The following TOX variants were observed in gnomAD, a reference collection of about 807,000 sequenced individuals.
TOX encodes the protein thymocyte selection associated high mobility group box, also known as thymocyte selection-associated high mobility group box protein TOX.
Under a neutral mutation model 53.7 loss-of-function variants are expected in TOX, and 11 were observed. That is an observed-to-expected ratio of 0.20 (90% confidence interval 0.13 to 0.34). The LOEUF (loss-of-function observed/expected upper bound fraction) is 0.34. Among genes scored for constraint, TOX ranks in the 10% least tolerant of loss-of-function variants. TOX has a pLI of 1.00. For missense variants in TOX, 570 were observed against 664.6 expected (o/e 0.86, Z 1.56); for synonymous variants, 225 against 245.3 (o/e 0.92, Z 0.77).
At position 59,050,331 on chromosome 8, in the gene TOX, T is replaced by C. The variant is rs769929771; in HGVS notation, c.102+68555A>G. Reference sequence around the variant, plus strand: ...AGTTTTATTCTCCCTTCCAGGATTGTTGTTAGAATAGCATTTGTGAAAGTG... The same window carrying C: ...AGTTTTATTCTCCCTTCCAGGATTGCTGTTAGAATAGCATTTGTGAAAGTG... On this transcript the variant is annotated intron_variant, in intron 1 of 8. Transcript: ENST00000361421. Among the ~76,000 whole-genome samples the C allele has an allele frequency of 1.6e-3, 248 of 152,268 alleles. 4 individuals are homozygous for C. The highest frequency in any genetic ancestry group is 1.2e-3 in the Non-Finnish European group (81 of 67,984).
In TOX at chr8:58,851,704, T is replaced by C; in HGVS notation, c.513A>G (p.Pro171=). The change falls in exon 4 of 9, where the codon CCA becomes CCG. Residue 171 remains proline, a synonymous_variant. Transcript: ENST00000361421. The surrounding 1 kb of genome is among the most constrained non-coding windows in gnomAD (Gnocchi z 4.4). ...TCAGCTGGCCATGTGGCATCATTCCTGGCTGCTGCCTGATGTCTGCAGGCT... is the reference window on the plus strand; with the variant it reads ...TCAGCTGGCCATGTGGCATCATTCCCGGCTGCTGCCTGATGTCTGCAGGCT... ...RGQPADIRQQ[P]GMMPHGQLTT... is the part of the protein sequence containing the mutation. 1.2e-6 allele frequency: 2 copies of C among 1,613,694 alleles called. No homozygotes were observed. Among genetic ancestry groups the C allele is most frequent in the Non-Finnish European group, 1.7e-6 (2 of 1,179,824 alleles).
intron 1 of TOX, among the ~76,000 whole-genome samples, chr8:58,973,793 G>C (rs965635152): frequency 6.6e-6 from 1 of 151,854 alleles, no homozygotes; most frequent in Non-Finnish European, 1.5e-5. Context: ...ATTTTCTATA[G>C]AAGTGGTTTT....
At chr8:59,028,582 C>T (rs1208953555) in intron 1 of TOX, among the ~76,000 whole-genome samples, 1 of 152,064 alleles carries the variant, frequency 6.6e-6, no homozygotes. Context: ...TACATACATA[C>T]ATACATATAT....
intron 1 of TOX, among the ~76,000 whole-genome samples, chr8:59,092,952 A>C (rs2129423926): frequency 6.6e-6 from 1 of 152,304 alleles, no homozygotes; most frequent in African/African-American, 2.4e-5. Flanking sequence ...AGAAGCAGTG[A>C]GGCATAGTGG....
chr8:58,851,536 A>T lies in TOX; in HGVS notation c.681T>A (p.Asp227Glu). ...AACTTATTCATACCTTAGAGGTATCATCGCCTTCATCTTCATGCACTGAAC... is the reference window on the plus strand; with the variant it reads ...AACTTATTCATACCTTAGAGGTATCTTCGCCTTCATCTTCATGCACTGAAC... ...PSSSVHEDEGDDTSKINGGEK... is the reference protein window; with the variant it reads ...PSSSVHEDEGEDTSKINGGEK... Residue 227 changes from aspartate (D) to glutamate (E), a missense_variant, in exon 4 of 9, where the codon GAT (aspartate) becomes GAA (glutamate). Transcript: ENST00000361421. This position sits in a 1 kb window ranked among gnomAD's most constrained non-coding sequence, Gnocchi z 4.4. The T allele has an allele frequency of 6.2e-7, 1 of 1,612,892 alleles. No homozygotes were observed. The highest frequency in any genetic ancestry group is 8.5e-7 in the Non-Finnish European group (1 of 1,179,582).
At chr8:59,033,062 C>CA (rs1383672413) in intron 1 of TOX, among the ~76,000 whole-genome samples, 1 of 150,506 alleles carries the variant, frequency 6.6e-6, no homozygotes, top group East Asian at 1.9e-4. Flanking sequence ...GAAAAGAAAA[C>CA]AAGAAAGAAA....
intron 4 of TOX, among the ~76,000 whole-genome samples, chr8:58,846,190 T>C (rs1810716234): frequency 6.6e-6 from 1 of 152,074 alleles, no homozygotes; most frequent in Non-Finnish European, 1.5e-5. Flanking sequence ...TCTCCTGAAC[T>C]AGTTTATTAG....
Position 58,982,178 on chromosome 8 carries a change from C to T in TOX, c.103-22170G>A, listed in dbSNP as rs548148362. 1.2e-4 allele frequency among the ~76,000 whole-genome samples: 18 copies of T among 152,178 alleles called. 1 individual carries two copies. The East Asian group carries it at 2.5e-3, about 21-fold the overall frequency. ...CCTCTCCTTATACTCATTCTCTTTC[C>T]CTCATTCAGAACTGACAGCCAGCCC... On this transcript the variant is annotated intron_variant, in intron 1 of 8. Coordinates refer to ENST00000361421, the MANE Select transcript of TOX (RefSeq NM_014729.3).
In TOX at chr8:58,952,379, T is replaced by C. The variant is rs748626156; in HGVS notation, c.168+7564A>G. Reference sequence around the variant, plus strand: ...ACTTATTTTGGAGGGCATTCTTTAGTGACAGGTTTATTATGCGCTACCAGA... The same window carrying C: ...ACTTATTTTGGAGGGCATTCTTTAGCGACAGGTTTATTATGCGCTACCAGA... On this transcript the variant is annotated intron_variant, in intron 2 of 8. Transcript: ENST00000361421. Among the ~76,000 whole-genome samples the C allele has an allele frequency of 9.2e-5, 14 of 152,258 alleles. 1 individual carries two copies. The highest frequency in any genetic ancestry group is 7.8e-4 in the Admixed American group (12 of 15,288).
At chr8:58,903,474 T>C (rs1465001256) in intron 3 of TOX, among the ~76,000 whole-genome samples, 2 of 152,224 alleles carry the variant, frequency 1.3e-5, no homozygotes, top group African/African-American at 2.4e-5. Context: ...TTTTCACTTC[T>C]AATCCAAAAT....
At chr8:58,835,511 T>A (rs1810530562) in intron 5 of TOX, among the ~76,000 whole-genome samples, 1 of 152,200 alleles carries the variant, frequency 6.6e-6, no homozygotes, top group Non-Finnish European at 1.5e-5. Flanking sequence ...GCTATCTTAA[T>A]ATTCTCCTCT....
At chr8:58,923,219 G>A (rs951950146) in intron 3 of TOX, among the ~76,000 whole-genome samples, 7 of 152,174 alleles carry the variant, frequency 4.6e-5, no homozygotes, top group African/African-American at 1.4e-4. Context: ...CAGGAGTCAG[G>A]AGGCGAGGCC....
chr8:58,965,209 T>C (rs1232789360), intron 1 of TOX, among the ~76,000 whole-genome samples: 1 of 152,208 alleles, frequency 6.6e-6, no homozygotes, highest in Non-Finnish European at 1.5e-5. Context: ...TAAATCTAAA[T>C]GTAAATGGCA....
chr8:58,884,372 T>C (rs1389274690), intron 3 of TOX, among the ~76,000 whole-genome samples: 5 of 152,156 alleles, frequency 3.3e-5, no homozygotes. Context: ...TCAGGGTCAT[T>C]AATAACAATA....
intron 1 of TOX, among the ~76,000 whole-genome samples, chr8:59,068,274 A>G (rs573189524): frequency 7.9e-5 from 12 of 152,202 alleles, no homozygotes; most frequent in Non-Finnish European, 1.6e-4. Context: ...CCCAGTGTCT[A>G]ATAAGAAATA....
intron 3 of TOX, among the ~76,000 whole-genome samples, chr8:58,879,259 A>C (rs186383058): frequency 1.8e-4 from 27 of 152,294 alleles, no homozygotes; most frequent in African/African-American, 6.3e-4. Context: ...CATGATAGCT[A>C]AGAATTTCTG....
intron 1 of TOX, among the ~76,000 whole-genome samples, chr8:59,069,052 G>C (rs1373663907): frequency 6.6e-6 from 1 of 152,186 alleles, no homozygotes; most frequent in Non-Finnish European, 1.5e-5. Context: ...CATGCAAGGG[G>C]GCTCCTGCGA....
chr8:58,978,268 G>A (rs930825623), intron 1 of TOX, among the ~76,000 whole-genome samples: 3 of 152,136 alleles, frequency 2.0e-5, no homozygotes, highest in South Asian at 2.1e-4. Context: ...CTTGAGAAAC[G>A]GGAGTCTAGA....
At chr8:59,083,964 A>G (rs1343386046) in intron 1 of TOX, among the ~76,000 whole-genome samples, 1 of 152,174 alleles carries the variant, frequency 6.6e-6, no homozygotes, top group African/African-American at 2.4e-5. Flanking sequence ...TTGTTGCTCT[A>G]TGAGTGTTAA....
Sources: allele counts gnomAD v4.1 joint callset (sites outside exome capture counted in the v4.1 genomes callset), GRCh38; gene constraint gnomAD v4.1.1; non-coding constraint Gnocchi (gnomAD v3.1); transcripts MANE v1.5; gene names NCBI Gene and HGNC (gene_info 2026-07-23, HGNC 2026-07-21).